Variants in ROBO2 observed in about 807,000 individuals in gnomAD.
The protein encoded by ROBO2 is roundabout homolog 2.
ROBO2 carries 53 observed loss-of-function variants against 160.8 expected under a neutral mutation model. The observed-to-expected ratio is 0.33, with a 90% confidence interval of 0.26 to 0.41. The LOEUF (loss-of-function observed/expected upper bound fraction) is 0.41, where lower values mean the gene tolerates loss of function less well. ROBO2 is among the 10% of genes least tolerant of loss of function. The pLI, the probability that ROBO2 is intolerant of heterozygous loss-of-function variation, is 1.00. For synonymous variants in ROBO2, 664 were observed against 611.7 expected (o/e 1.09, Z -1.26); for missense variants, 1,577 against 1,722.4 (o/e 0.92, Z 1.49).
chr3:76,710,084 G>A (rs2093258596), intron 2 of ROBO2, among the ~76,000 whole-genome samples: 1 of 151,926 alleles, frequency 6.6e-6, no homozygotes, highest in Non-Finnish European at 1.5e-5. Context: ...AGTGGCTGAG[G>A]CCTGCCCCTC....
At chr3:77,288,510 A>G (rs1317612057) in intron 2 of ROBO2, among the ~76,000 whole-genome samples, 1 of 152,188 alleles carries the variant, frequency 6.6e-6, no homozygotes, top group Non-Finnish European at 1.5e-5. Flanking sequence ...AGCCTTCATG[A>G]TGGCTGTGCT....
At chr3:76,512,324 A>T (rs201993495) in intron 2 of ROBO2, among the ~76,000 whole-genome samples, 1 of 140,702 alleles carries the variant, frequency 7.1e-6, no homozygotes, top group South Asian at 2.1e-4. Flanking sequence ...ATATATATGT[A>T]TATATATATA....
intron 2 of ROBO2, among the ~76,000 whole-genome samples, chr3:76,671,233 A>G (rs2092251593): frequency 6.6e-6 from 1 of 152,164 alleles, no homozygotes; most frequent in Admixed American, 6.6e-5. Context: ...AATGGAAGAC[A>G]TTATATTAGA....
At chr3:76,022,621 T>C (rs776511002) in intron 2 of ROBO2, among the ~76,000 whole-genome samples, 40 of 151,690 alleles carry the variant, frequency 2.6e-4, no homozygotes, top group Non-Finnish European at 3.1e-4. Flanking sequence ...AAAGGACTCT[T>C]TTTTCTGAGC....
intron 2 of ROBO2, among the ~76,000 whole-genome samples, chr3:76,943,517 T>C (rs1304622139): frequency 1.3e-5 from 2 of 152,232 alleles, no homozygotes; most frequent in Non-Finnish European, 2.9e-5. Flanking sequence ...TAAAACATAT[T>C]GGAAAGAACC....
intron 2 of ROBO2, among the ~76,000 whole-genome samples, chr3:76,000,244 C>T (rs11927209): frequency 0.063 from 9,609 of 152,054 alleles, 786 homozygotes; most frequent in African/African-American, 0.19. Flanking sequence ...GAAGATGACG[C>T]TAAGAGAGAA....
intron 2 of ROBO2, among the ~76,000 whole-genome samples, chr3:76,334,887 A>G (rs1204341826): frequency 1.8e-4 from 27 of 152,168 alleles, no homozygotes. Flanking sequence ...TTAAAAGGCT[A>G]ATATTTCTAA....
intron 2 of ROBO2, among the ~76,000 whole-genome samples, chr3:76,023,164 T>C (rs1385236861): frequency 6.6e-6 from 1 of 151,728 alleles, no homozygotes; most frequent in African/African-American, 2.4e-5. Flanking sequence ...TGTAGTTGCT[T>C]TGATTTTCTA....
At chr3:77,516,563 G>A (rs560642712) in intron 5 of ROBO2, among the ~76,000 whole-genome samples, 1 of 151,516 alleles carries the variant, frequency 6.6e-6, no homozygotes, top group Non-Finnish European at 1.5e-5. Flanking sequence ...TTTTGGCGGA[G>A]AGAGAGAAAT....
intron 2 of ROBO2, among the ~76,000 whole-genome samples, chr3:76,437,683 G>C (rs998334387): frequency 6.6e-6 from 1 of 152,110 alleles, no homozygotes; most frequent in South Asian, 2.1e-4. Flanking sequence ...GAGGAAGACT[G>C]TACAATGTTT....
intron 2 of ROBO2, among the ~76,000 whole-genome samples, chr3:76,037,031 C>T (rs561690769): frequency 6.6e-6 from 1 of 151,932 alleles, no homozygotes; most frequent in Non-Finnish European, 1.5e-5. Context: ...CTGATTTCGA[C>T]TCCCTATTTG....
At chr3:77,252,701 C>T (rs1239474306) in intron 2 of ROBO2, among the ~76,000 whole-genome samples, 6 of 146,486 alleles carry the variant, frequency 4.1e-5, no homozygotes, top group Admixed American at 6.9e-5. Context: ...CCAGCTACTC[C>T]GGAGGCTGAG....
intron 2 of ROBO2, among the ~76,000 whole-genome samples, chr3:76,657,847 A>G (rs1488384280): frequency 6.8e-6 from 1 of 147,968 alleles, no homozygotes. Context: ...GTGTATATGT[A>G]TGTGTATATA....
At chr3:76,923,506 T>A (rs1340360494) in intron 2 of ROBO2, among the ~76,000 whole-genome samples, 2 of 152,178 alleles carry the variant, frequency 1.3e-5, no homozygotes, top group Non-Finnish European at 2.9e-5. Flanking sequence ...ATAGGCTGCA[T>A]CCAAACTCAG....
intron 2 of ROBO2, among the ~76,000 whole-genome samples, chr3:76,802,611 C>A (rs2064302240): frequency 6.6e-6 from 1 of 151,864 alleles, no homozygotes; most frequent in Admixed American, 6.6e-5. Flanking sequence ...ACCTGTAGTC[C>A]CAGCTACTCG....
intron 2 of ROBO2, among the ~76,000 whole-genome samples, chr3:76,402,427 T>C (rs1242561357): frequency 6.6e-6 from 1 of 151,560 alleles, no homozygotes; most frequent in African/African-American, 2.4e-5. Context: ...CATATGCTTA[T>C]TAGGTCAGTG....
Position 76,353,635 on chromosome 3 carries a change from CA to C in ROBO2, c.109+416034del, listed in dbSNP as rs2075001733. ...AGAAGTCTATACCTTCCTTTTTGTTCAGAAATGTTTTTCTCAAACATGGAAA... is the reference window on the plus strand; with the variant it reads ...AGAAGTCTATACCTTCCTTTTTGTTCGAAATGTTTTTCTCAAACATGGAAA... On this transcript the variant is annotated intron_variant, in intron 2 of 26. Coordinates refer to the ROBO2 transcript ENST00000487694. Among the ~76,000 whole-genome samples the C allele has an allele frequency of 2.0e-5, 3 of 151,758 alleles. No homozygotes were observed. In the South Asian group the frequency reaches 6.2e-4, roughly 31 times the overall value.
At chr3:76,934,138 A>G (rs2077528848) in intron 2 of ROBO2, among the ~76,000 whole-genome samples, 1 of 152,134 alleles carries the variant, frequency 6.6e-6, no homozygotes, top group African/African-American at 2.4e-5. Context: ...GATAGCTGAC[A>G]CAAATTGCTT....
chr3:77,482,435 T>C (rs766441198), intron 4 of ROBO2, among the ~76,000 whole-genome samples: 3 of 152,116 alleles, frequency 2.0e-5, no homozygotes, highest in Admixed American at 6.6e-5. Context: ...AGAGTTAAGA[T>C]TGTGCTTTGT....
Sources: allele counts gnomAD v4.1 joint callset (sites outside exome capture counted in the v4.1 genomes callset), GRCh38; gene constraint gnomAD v4.1.1; transcripts MANE v1.5; gene names NCBI Gene and HGNC (gene_info 2026-07-23, HGNC 2026-07-21).